The following PSMA6 variants were observed in gnomAD, a reference collection of about 807,000 sequenced individuals.
The protein encoded by PSMA6 is proteasome 20S subunit alpha 6, also known as proteasome subunit alpha type-6.
For synonymous variants in PSMA6, 88 were observed against 97.7 expected, an observed-to-expected ratio of 0.90 and a Z score of 0.59; for missense variants, 170 against 294.8, an observed-to-expected ratio of 0.58 and a Z score of 3.10.
At chr14:35,299,435 G>A (rs1025106075) in intron 1 of PSMA6, among the ~76,000 whole-genome samples, 1 of 148,198 alleles carries the variant, frequency 6.7e-6, no homozygotes, top group Non-Finnish European at 1.5e-5. Context: ...CGATTCTCCT[G>A]CCTCAGCACC....
chr14:35,310,587 T>C (rs1015536169), intron 3 of PSMA6, among the ~76,000 whole-genome samples, 153 bp from the exon 4 acceptor site: 8 of 152,236 alleles, frequency 5.3e-5, no homozygotes, highest in African/African-American at 1.9e-4. Context: ...ATGAGTTATT[T>C]AGTATTCATT....
intron 1 of PSMA6, among the ~76,000 whole-genome samples, chr14:35,300,672 A>G (rs2051694263): frequency 6.6e-6 from 1 of 152,202 alleles, no homozygotes; most frequent in African/African-American, 2.4e-5. Context: ...AGTGACCTTC[A>G]TGTACCCATC....
At chr14:35,291,507 A>C (rs979010467), upstream of PSMA6, among the ~76,000 whole-genome samples, 12 of 146,634 alleles carry the variant, frequency 8.2e-5, no homozygotes, top group South Asian at 2.5e-4. Flanking sequence ...GGCGTGAGCC[A>C]CCGCGCCCGG....
At chr14:35,298,255 C>A (rs548786422) in intron 1 of PSMA6, among the ~76,000 whole-genome samples, 2 of 151,986 alleles carry the variant, frequency 1.3e-5, no homozygotes, top group Admixed American at 6.6e-5. Flanking sequence ...TTTGGGAGGC[C>A]GAGGCAGGTG....
chr14:35,293,510 A>G (rs1459395544), intron 1 of PSMA6, among the ~76,000 whole-genome samples: 1 of 152,194 alleles, frequency 6.6e-6, no homozygotes, highest in Admixed American at 6.5e-5. Context: ...ACAGTAATAT[A>G]ATCATCTGTG....
At chr14:35,299,327 C>CTTTTTTTT (rs71445906) in intron 1 of PSMA6, among the ~76,000 whole-genome samples, 2 of 66,006 alleles carry the variant, frequency 3.0e-5, no homozygotes, top group African/African-American at 1.2e-4. Context: ...TGCCCAGCCT[C>CTTTTTTTT]TTTTTTTTTT....
chr14:35,314,202 G>T, intron 5 of PSMA6, 159 bp from the exon 6 acceptor site: 1 of 759,500 alleles, frequency 1.3e-6, no homozygotes, highest in South Asian at 5.5e-5. Context: ...TCATCATTGG[G>T]AGGCAATACA....
intron 6 of PSMA6, 114 bp downstream of exon 6, chr14:35,314,569 TTG>T: frequency 7.7e-7 from 1 of 1,300,474 alleles, no homozygotes; most frequent in Non-Finnish European, 1.0e-6. Context: ...TAGTTTTTGT[TTG>T]TGTGTTTGTT....
At chr14:35,303,462 G>C (rs934609210) in intron 1 of PSMA6, among the ~76,000 whole-genome samples, 1 of 152,156 alleles carries the variant, frequency 6.6e-6, no homozygotes. Context: ...TGAGTTTTCT[G>C]TGGGAGTTCA....
intron 1 of PSMA6, among the ~76,000 whole-genome samples, chr14:35,307,098 A>C (rs1003828988): frequency 2.0e-5 from 3 of 152,172 alleles, no homozygotes; most frequent in Admixed American, 6.5e-5. Flanking sequence ...TAGTAAGCCA[A>C]GATCGTGCCA....
chr14:35,291,977 C>T (rs1295516306), upstream of PSMA6, among the ~76,000 whole-genome samples: 12 of 152,250 alleles, frequency 7.9e-5, no homozygotes, highest in African/African-American at 2.4e-4. Flanking sequence ...GCTGCAGCTG[C>T]AACCTGTTTC....
In PSMA6 at chr14:35,314,421, G is replaced by T. The variant is rs1279244271; in HGVS notation, c.649G>T (p.Val217Phe). 6.2e-7 allele frequency: 1 copy of T among 1,611,874 alleles called. No individual in the cohort carries two copies. The highest frequency in any genetic ancestry group is 2.2e-5 in the East Asian group (1 of 44,840). ...SIDFKPSEIE[V>F]GVVTVENPKF... ...TGATTTCAAACCTTCAGAAATAGAA[G>T]TTGGAGTAGTGACAGTTGAAAATCC... The change falls in exon 6 of 7, where the codon GTT becomes TTT. Residue 217 changes from valine to phenylalanine, a missense_variant. Val to Phe is a conservative substitution (Grantham distance 50, BLOSUM62 -1). Transcript: ENST00000261479.
chr14:35,291,220 C>CTTTT (rs549426154), upstream of PSMA6, among the ~76,000 whole-genome samples: 3 of 125,994 alleles, frequency 2.4e-5, no homozygotes, highest in African/African-American at 6.0e-5. Context: ...GGCTTTCTTT[C>CTTTT]TTTTTTTTTT....
Position 35,310,841 on chromosome 14 carries a change from G to A in PSMA6, c.355G>A (p.Ala119Thr). Residue 119 changes from alanine to threonine, a missense_variant, in exon 4 of 7, where the codon GCC (alanine) becomes ACC (threonine). Transcript: ENST00000261479. The part of the protein sequence containing the change: ...IPVDMLCKRI[A>T]DISQVYTQNA... ...TGTGGACATGCTGTGTAAAAGAATT[G>A]CCGATATTTCTCAGGTCTACACACA... The A allele has an allele frequency of 6.2e-7, 1 of 1,613,806 alleles. No homozygotes were observed. The highest frequency in any genetic ancestry group is 8.5e-7 in the Non-Finnish European group (1 of 1,179,878).
intron 1 of PSMA6, among the ~76,000 whole-genome samples, chr14:35,286,360 C>G (rs1288170389): frequency 3.3e-5 from 5 of 152,190 alleles, no homozygotes; most frequent in Non-Finnish European, 5.9e-5. Flanking sequence ...TAAGGGGAAG[C>G]TGTATGTTAA....
At chr14:35,302,068 A>T (rs2051724839) in intron 1 of PSMA6, among the ~76,000 whole-genome samples, 1 of 151,958 alleles carries the variant, frequency 6.6e-6, no homozygotes. Context: ...AAAAAATCAC[A>T]TCTCTAAAGA....
chr14:35,310,227 T>C lies in PSMA6; in HGVS notation c.254-513T>C, dbSNP rs1240898272. Reference sequence around the variant, plus strand: ...TTTTTGGAGACAGAGTCTCACTTTGTCGCCCAGGCTGCTCCGCCTCCTGGG... The same window carrying C: ...TTTTTGGAGACAGAGTCTCACTTTGCCGCCCAGGCTGCTCCGCCTCCTGGG... On this transcript the variant is annotated intron_variant, in intron 3 of 6. Transcript: ENST00000261479. 7.0e-6 allele frequency: 3 copies of C among 427,168 alleles called. No homozygotes were observed. The Admixed American group carries it at 8.4e-5, about 12-fold the overall frequency. 26.5% of individuals were successfully genotyped at this position (427,168 alleles called of 1,614,324 possible).
At chr14:35,293,055 A>G (rs527473644) in intron 1 of PSMA6, 75 of 456,150 alleles carry the variant, frequency 1.6e-4, no homozygotes, top group South Asian at 1.1e-3. Flanking sequence ...ACCCTCTTCT[A>G]TACTGAAGCT....
At chr14:35,294,149 A>G (rs1037050624) in intron 1 of PSMA6, among the ~76,000 whole-genome samples, 4 of 152,182 alleles carry the variant, frequency 2.6e-5, no homozygotes, top group Non-Finnish European at 5.9e-5. Context: ...GGTTCAAGCA[A>G]TTCTGCCTCA....
Sources: allele counts gnomAD v4.1 joint callset (sites outside exome capture counted in the v4.1 genomes callset), GRCh38; gene constraint gnomAD v4.1.1; transcripts MANE v1.5; gene names NCBI Gene and HGNC (gene_info 2026-07-23, HGNC 2026-07-21).